CYP4F8: variants seen among roughly 807,000 people sequenced by gnomAD.
CYP4F8 encodes the protein cytochrome P450 family 4 subfamily F member 8.
CYP4F8 carries 56 observed loss-of-function variants against 55.0 expected under a neutral mutation model. The ratio of observed to expected loss-of-function variants is 1.02; its 90% CI spans 0.82 to 1.27. The LOEUF is 1.27. CYP4F8 is among the 50% of genes most tolerant of loss of function. CYP4F8 has a pLI of 0.00. For missense variants in CYP4F8, 680 were observed against 682.4 expected, an observed-to-expected ratio of 1.00 and a Z score of 0.04; for synonymous variants, 288 against 267.3, an observed-to-expected ratio of 1.08 and a Z score of -0.76.
At chr19:15,615,483 T>C (rs1304302137) in intron 1 of CYP4F8, 133 bp from the exon 2 acceptor site, 2 of 1,034,110 alleles carry the variant, frequency 1.9e-6, no homozygotes, top group African/African-American at 3.3e-5. Context: ...CCCCTCTCCC[T>C]TGGCCTCTTC....
chr19:15,627,413 G>A (rs983309267), intron 9 of CYP4F8: 1 of 151,194 alleles, frequency 6.6e-6, no homozygotes, highest in African/African-American at 2.4e-5. Flanking sequence ...AGTGGAGGTT[G>A]CAGTGAGCTG....
intron 9 of CYP4F8, among the ~76,000 whole-genome samples, chr19:15,625,838 C>A (rs115327079): frequency 0.013 from 2,039 of 152,286 alleles, 34 homozygotes; most frequent in African/African-American, 0.041. Flanking sequence ...TCAAATCTCT[C>A]CTTCCAGCTC....
intron 2 of CYP4F8, among the ~76,000 whole-genome samples, chr19:15,617,531 T>TATCA (rs1004024973): frequency 6.7e-6 from 1 of 148,530 alleles, no homozygotes; most frequent in African/African-American, 2.5e-5. Context: ...TCTATCTATC[T>TATCA]ATCAGTCCGT....
rs749966153 is a variant in CYP4F8, at chr19:15,622,184, G to A, written c.526-35G>A. ...TTGCAGGGGGACTCAGAGGAGCCAA[G>A]GCCTGGCCCCAGCCCTGCTCCCTTC... On this transcript the variant is annotated intron_variant, in intron 5 of 12. Coordinates refer to ENST00000612078, the MANE Select transcript of CYP4F8 (RefSeq NM_007253.4). 15 of 1,599,752 alleles carry A rather than the reference G, an allele frequency of 9.4e-6. No individual in the cohort carries two copies. In the Admixed American group the frequency reaches 2.5e-4, roughly 26 times the overall value.
intron 1 of CYP4F8, 138 bp from the exon 2 acceptor site, chr19:15,615,478 C>T (rs971033560): frequency 1.1e-6 from 1 of 951,758 alleles, no homozygotes; most frequent in African/African-American, 1.7e-5. Flanking sequence ...CCTCTCCCCT[C>T]TCCCTTGGCC....
chr19:15,625,396 C>T (rs546639594), intron 9 of CYP4F8, among the ~76,000 whole-genome samples: 22 of 147,260 alleles, frequency 1.5e-4, no homozygotes, highest in Non-Finnish European at 2.5e-4. Flanking sequence ...TATATATATA[C>T]ACACACACAT....
Position 15,629,281 on chromosome 19 carries a change from A to G in CYP4F8, c.1486A>G (p.Arg496Gly). The change falls in exon 13 of 13, where the codon AGG becomes GGG. Residue 496 changes from arginine to glycine, a missense_variant. Transcript: ENST00000612078. ...LLRFRILPDHREPRRTPEIVL... is the reference protein window; with the variant it reads ...LLRFRILPDHGEPRRTPEIVL... ...GCGCTTCCGCATCCTGCCCGACCAC[A>G]GGGAGCCACGCAGGACGCCGGAGAT... 1 of 1,613,310 alleles carries G rather than the reference A, an allele frequency of 6.2e-7. No homozygotes were observed.
chr19:15,615,845 C>A, intron 2 of CYP4F8, 31 bp downstream of exon 2: 1 of 1,582,158 alleles, frequency 6.3e-7, no homozygotes, highest in Non-Finnish European at 8.6e-7. Context: ...TCTAGTGTCT[C>A]AGGGTGGAAG....
In CYP4F8 at chr19:15,622,199, C is replaced by T. The variant is rs1387650697; in HGVS notation, c.526-20C>T. 6.2e-7 allele frequency: 1 copy of T among 1,611,212 alleles called. No individual in the cohort carries two copies. The highest frequency in any genetic ancestry group is 8.5e-7 in the Non-Finnish European group (1 of 1,178,586). On this transcript the variant is annotated intron_variant, in intron 5 of 12. Transcript: ENST00000612078. ...GAGGAGCCAAGGCCTGGCCCCAGCC[C>T]TGCTCCCTTCTCTGGCCAGGCCAAG...
In CYP4F8 at chr19:15,623,812, C is replaced by A. The variant is rs1972226976; in HGVS notation, c.985+47C>A. 2.5e-6 allele frequency: 4 copies of A among 1,609,946 alleles called. No homozygotes were observed. In the South Asian group the frequency reaches 3.3e-5, roughly 13 times the overall value. ...TACAGTGGGGACAGGGGTCTCTCCA[C>A]TCCAGGGAAGTGGAGGGCCGGCCCT... On this transcript the variant is annotated intron_variant, in intron 8 of 12. Coordinates refer to ENST00000612078, the MANE Select transcript of CYP4F8 (RefSeq NM_007253.4).
chr19:15,619,699 C>T lies in CYP4F8; in HGVS notation c.462C>T (p.Ala154=). 1 of 1,614,230 alleles carries T rather than the reference C, an allele frequency of 6.2e-7. No homozygotes were observed. The highest frequency in any genetic ancestry group is 1.1e-5 in the South Asian group (1 of 91,086). Residue 154 remains alanine, a synonymous_variant, in exon 5 of 13, where the codon GCC becomes GCT. Coordinates refer to ENST00000612078, the MANE Select transcript of CYP4F8 (RefSeq NM_007253.4). ...WRHHRRLLTP[A]FHFNILKPYI... ...ACCACCGTCGCTTGCTGACGCCTGC[C>T]TTCCATTTCAACATCCTGAAGCCCT...
At position 15,623,210 on chromosome 19, in the gene CYP4F8, C is replaced by G; in HGVS notation, c.753C>G (p.Pro251=). The G allele has an allele frequency of 6.2e-7, 1 of 1,614,128 alleles. No individual in the cohort carries two copies. The highest frequency in any genetic ancestry group is 8.5e-7 in the Non-Finnish European group (1 of 1,180,036). ...AGGACTTCCTGTACTTCCTCACTCCCTGTGGACGGCGCTTCCACAGGGCCT... is the reference window on the plus strand; with the variant it reads ...AGGACTTCCTGTACTTCCTCACTCCGTGTGGACGGCGCTTCCACAGGGCCT... ...RYKDFLYFLT[P]CGRRFHRACR... Residue 251 remains proline (P), a synonymous_variant, in exon 7 of 13, where the codon CCC becomes CCG. Transcript: ENST00000612078.
chr19:15,628,036 G>A (rs1053586279), intron 9 of CYP4F8: 2 of 469,988 alleles, frequency 4.3e-6, no homozygotes, highest in Non-Finnish European at 7.5e-6. Flanking sequence ...TGGGATTACA[G>A]GAGTGAGCCA....
intron 9 of CYP4F8, among the ~76,000 whole-genome samples, chr19:15,624,428 T>A (rs4646530): frequency 0.9 from 137,414 of 152,212 alleles, 62,079 homozygotes; most frequent in Admixed American, 0.95. Context: ...TAACGGCAAA[T>A]ACCGCAATGA....
rs1972218833 is a variant in CYP4F8, at chr19:15,623,279, G to C, written c.822G>C (p.Arg274=). ...HDFTDAVIQE[R]RRTLTSQGVD... Reference sequence around the variant, plus strand: ...TCACAGATGCCGTCATCCAGGAGCGGCGCCGCACCCTCACTAGCCAGGGTG... The same window carrying C: ...TCACAGATGCCGTCATCCAGGAGCGCCGCCGCACCCTCACTAGCCAGGGTG... The change falls in exon 7 of 13, where the codon CGG becomes CGC. Residue 274 remains arginine, a synonymous_variant. Transcript: ENST00000612078. The C allele has an allele frequency of 6.2e-6, 10 of 1,614,066 alleles. No homozygotes were observed. The highest frequency in any genetic ancestry group is 8.5e-6 in the Non-Finnish European group (10 of 1,179,998).
rs1337201641 is a variant in CYP4F8, at chr19:15,628,385, G to A, written c.1199G>A (p.Arg400His). The A allele has an allele frequency of 8.1e-6, 13 of 1,613,968 alleles. No individual in the cohort carries two copies. Among genetic ancestry groups the A allele is most frequent in the South Asian group, 6.6e-5 (6 of 91,090 alleles). ...CATCCCCCAATCCCTACATTCGCCC[G>A]CGGCTGCACCCAGGACGTGGTGCTC... ...RLHPPIPTFARGCTQDVVLPD... is the reference protein window; with the variant it reads ...RLHPPIPTFAHGCTQDVVLPD... Residue 400 changes from arginine to histidine, a missense_variant, in exon 10 of 13, where the codon CGC becomes CAC. Physicochemically the swap from Arg to His is conservative, Grantham distance 29 (BLOSUM62 0). Coordinates refer to ENST00000612078, the MANE Select transcript of CYP4F8 (RefSeq NM_007253.4).
intron 5 of CYP4F8, 135 bp from the exon 6 acceptor site, chr19:15,622,077 AGCGTAGT>A: frequency 8.8e-7 from 1 of 1,131,014 alleles, no homozygotes; most frequent in Non-Finnish European, 1.2e-6. Context: ...CTCTCACCCA[AGCGTAGT>A]CCTCCCTGAG....
At position 15,623,220 on chromosome 19, in the gene CYP4F8, C is replaced by A. The variant is rs375282839; in HGVS notation, c.763C>A (p.Arg255Ser). Residue 255 changes from arginine (R) to serine (S), a missense_variant, in exon 7 of 13, where the codon CGC (arginine) becomes AGC (serine). Transcript: ENST00000612078. ...FLYFLTPCGR[R>S]FHRACRLVHD... ...GTACTTCCTCACTCCCTGTGGACGGCGCTTCCACAGGGCCTGCAGACTGGT... is the reference window on the plus strand; with the variant it reads ...GTACTTCCTCACTCCCTGTGGACGGAGCTTCCACAGGGCCTGCAGACTGGT... The A allele has an allele frequency of 8.7e-6, 14 of 1,613,948 alleles. No homozygotes were observed. Among genetic ancestry groups the A allele is most frequent in the Non-Finnish European group, 3.4e-6 (4 of 1,180,030 alleles).
chr19:15,625,196 AT>A (rs1972246029), intron 9 of CYP4F8, among the ~76,000 whole-genome samples: 1 of 151,298 alleles, frequency 6.6e-6, no homozygotes, highest in South Asian at 2.1e-4. Flanking sequence ...ACATTTAGAA[AT>A]TTTTCCCTTT....
Sources: allele counts gnomAD v4.1 joint callset (sites outside exome capture counted in the v4.1 genomes callset), GRCh38; gene constraint gnomAD v4.1.1; transcripts MANE v1.5; gene names NCBI Gene and HGNC (gene_info 2026-07-23, HGNC 2026-07-21).